Variants in KCNQ5 observed in about 807,000 individuals in gnomAD.
The protein encoded by KCNQ5 is potassium voltage-gated channel subfamily Q member 5, also known as potassium voltage-gated channel subfamily KQT member 5.
In KCNQ5, 30 loss-of-function variants were observed where a neutral mutation model predicts 98.2. That is an observed-to-expected ratio of 0.31 (90% confidence interval 0.23 to 0.41). The LOEUF (loss-of-function observed/expected upper bound fraction) is 0.41. Ranked by LOEUF, KCNQ5 falls within the 10% of genes least tolerant of loss-of-function variation. The pLI is 1.00. For missense variants in KCNQ5, 835 were observed against 1,182.5 expected, an observed-to-expected ratio of 0.71 and a Z score of 4.31; for synonymous variants, 458 against 449.4, an observed-to-expected ratio of 1.02 and a Z score of -0.24.
intron 2 of KCNQ5, among the ~76,000 whole-genome samples, chr6:73,034,685 A>C (rs1771309649): frequency 6.6e-6 from 1 of 152,192 alleles, no homozygotes; most frequent in Admixed American, 6.5e-5. Context: ...ATGGTACAGC[A>C]GAGTTATATG....
chr6:72,802,128 T>C (rs1312175453), intron 1 of KCNQ5, among the ~76,000 whole-genome samples: 5 of 151,520 alleles, frequency 3.3e-5, no homozygotes, highest in African/African-American at 1.2e-4. Flanking sequence ...TCTCAAGGAG[T>C]ATCTTTGTGG....
intron 3 of KCNQ5, among the ~76,000 whole-genome samples, chr6:73,047,496 A>G (rs1432358497): frequency 6.6e-6 from 1 of 152,246 alleles, no homozygotes; most frequent in Non-Finnish European, 1.5e-5. Context: ...GGTAATTTAG[A>G]TAATTGTTGA....
At chr6:72,902,331 A>C (rs940391088) in intron 1 of KCNQ5, among the ~76,000 whole-genome samples, 2 of 152,114 alleles carry the variant, frequency 1.3e-5, no homozygotes, top group Non-Finnish European at 1.5e-5. Flanking sequence ...GATGTTCTTT[A>C]TTTCTTTCTC....
Position 73,147,627 on chromosome 6 carries a change from T to C in KCNQ5, c.1468+13986T>C, listed in dbSNP as rs1296306837. On this transcript the variant is annotated intron_variant, in intron 10 of 13. Transcript: ENST00000370398. ...GAGAGAGAGAGACATTTGTTTACTA[T>C]ATGACAGCACAGTGCATGGCAAATA... Among the ~76,000 whole-genome samples the C allele has an allele frequency of 2.0e-5, 3 of 152,340 alleles. No homozygotes were observed. The East Asian group carries it at 5.8e-4, about 29-fold the overall frequency.
At chr6:72,720,349 A>G (rs1163163919) in intron 1 of KCNQ5, among the ~76,000 whole-genome samples, 1 of 152,196 alleles carries the variant, frequency 6.6e-6, no homozygotes, top group Non-Finnish European at 1.5e-5. Context: ...TGACTTCTCT[A>G]TGAATTAGTG....
chr6:72,833,889 A>G (rs888405704), intron 1 of KCNQ5, among the ~76,000 whole-genome samples: 2 of 152,138 alleles, frequency 1.3e-5, no homozygotes, highest in African/African-American at 2.4e-5. Flanking sequence ...ATATTTGTTG[A>G]TATCTATAGA....
chr6:72,635,174 A>C (rs1316596841), intron 1 of KCNQ5, among the ~76,000 whole-genome samples: 1 of 151,170 alleles, frequency 6.6e-6, no homozygotes, highest in Non-Finnish European at 1.5e-5. Context: ...CCACAGGCAC[A>C]GACCACCATG....
intron 10 of KCNQ5, chr6:73,158,195 C>T (rs1252850686): frequency 1.1e-5 from 3 of 269,610 alleles, no homozygotes; most frequent in Non-Finnish European, 1.5e-5. Context: ...AGCACGGCGG[C>T]GGCGCCGGCC....
chr6:73,189,164 G>T (rs1191258977), intron 11 of KCNQ5, among the ~76,000 whole-genome samples: 1 of 151,938 alleles, frequency 6.6e-6, no homozygotes, highest in African/African-American at 2.4e-5. Context: ...CTAAATGCTG[G>T]TAAACCAATT....
At chr6:72,692,116 A>G (rs1372853910) in intron 1 of KCNQ5, among the ~76,000 whole-genome samples, 2 of 152,202 alleles carry the variant, frequency 1.3e-5, no homozygotes, top group Non-Finnish European at 2.9e-5. Context: ...ACTTCATTGT[A>G]TCCTAGGCAA....
intron 1 of KCNQ5, among the ~76,000 whole-genome samples, chr6:72,647,403 C>T (rs1765647043): frequency 3.3e-5 from 5 of 151,444 alleles, no homozygotes; most frequent in Admixed American, 3.3e-4. Context: ...AGAAGAGAAA[C>T]CTGGTCAGGA....
At chr6:72,914,510 AAGG>A (rs1214267710) in intron 1 of KCNQ5, among the ~76,000 whole-genome samples, 14 of 149,102 alleles carry the variant, frequency 9.4e-5, no homozygotes, top group Non-Finnish European at 1.3e-4. Flanking sequence ...CAGTGCCAAT[AAGG>A]AGGACTGGTC....
intron 1 of KCNQ5, among the ~76,000 whole-genome samples, chr6:72,709,116 A>G (rs2154474958): frequency 6.6e-6 from 1 of 152,298 alleles, no homozygotes; most frequent in Non-Finnish European, 1.5e-5. Context: ...AGGTGCTGGG[A>G]TTACAGGCAT....
intron 1 of KCNQ5, among the ~76,000 whole-genome samples, chr6:72,632,487 G>A (rs1315598824): frequency 6.6e-6 from 1 of 151,976 alleles, no homozygotes. Context: ...TTTAGAGACG[G>A]GGGTACTTGT....
At chr6:72,882,247 T>C (rs902373986) in intron 1 of KCNQ5, among the ~76,000 whole-genome samples, 1 of 152,216 alleles carries the variant, frequency 6.6e-6, no homozygotes, top group African/African-American at 2.4e-5. Flanking sequence ...TATCCCAATT[T>C]AAATTTTAAA....
At chr6:73,058,887 G>T (rs1772650608) in intron 3 of KCNQ5, among the ~76,000 whole-genome samples, 1 of 152,152 alleles carries the variant, frequency 6.6e-6, no homozygotes, top group South Asian at 2.1e-4. Flanking sequence ...AAGTCAGAAT[G>T]GCTATTACTA....
At chr6:73,151,543 C>T (rs573551594) in intron 10 of KCNQ5, among the ~76,000 whole-genome samples, 3 of 152,254 alleles carry the variant, frequency 2.0e-5, no homozygotes, top group African/African-American at 7.2e-5. Flanking sequence ...TTTGCTTTTC[C>T]TGTAGTAAAT....
chr6:72,739,712 C>A (rs1457154429), intron 1 of KCNQ5, among the ~76,000 whole-genome samples: 1 of 152,178 alleles, frequency 6.6e-6, no homozygotes, highest in Admixed American at 6.5e-5. Context: ...GTTCAGTCAG[C>A]TGAGGATTTA....
chr6:73,015,199 G>T (rs1406217520), intron 2 of KCNQ5, among the ~76,000 whole-genome samples: 1 of 152,088 alleles, frequency 6.6e-6, no homozygotes, highest in Non-Finnish European at 1.5e-5. Context: ...ATAATTTACT[G>T]CAGAAAGCTC....
Sources: gnomAD v4.1 joint callset for allele counts (sites outside exome capture counted in the v4.1 genomes callset) on GRCh38, gnomAD v4.1.1 for gene constraint, MANE v1.5 for transcripts, NCBI Gene and HGNC (gene_info 2026-07-23, HGNC 2026-07-21) for gene names.